Variants in SDCCAG8 observed in about 807,000 individuals in gnomAD.
The protein encoded by SDCCAG8 is SHH signaling and ciliogenesis regulator SDCCAG8.
In SDCCAG8, 74 loss-of-function variants were observed where a neutral mutation model predicts 101.8. That is an observed-to-expected ratio of 0.73 (90% CI 0.60 to 0.88). SDCCAG8 has a LOEUF of 0.88. Ranked by LOEUF, SDCCAG8 falls within the 40% of genes least tolerant of loss-of-function variation. The pLI is 0.00. For missense variants in SDCCAG8, 787 were observed against 822.6 expected, an observed-to-expected ratio of 0.96 and a Z score of 0.53; for synonymous variants, 281 against 292.9, an observed-to-expected ratio of 0.96 and a Z score of 0.41.
chr1:243,362,009 G>A lies in SDCCAG8; in HGVS notation c.1474-16712G>A, dbSNP rs61833945. 7.6e-3 allele frequency among the ~76,000 whole-genome samples: 896 copies of A among 117,232 alleles called. 21 individuals are homozygous for A. Among genetic ancestry groups the A allele is most frequent in the South Asian group, 0.012 (46 of 3,854 alleles). 76.9% of individuals were successfully genotyped at this position (117,232 alleles called of 152,430 possible). A position where few individuals can be genotyped will look rare whatever the true frequency, so the allele number is the denominator to read the frequency against. On this transcript the variant is annotated intron_variant, in intron 12 of 17. Transcript: ENST00000366541. Reference sequence around the variant, plus strand: ...GGATGGATAGGTGGGTGAAGAGATGGCCAAGTGACTGCCTCAAGTAACACA... The same window carrying A: ...GGATGGATAGGTGGGTGAAGAGATGACCAAGTGACTGCCTCAAGTAACACA...
chr1:243,440,451 G>GCAGA (rs1284502323), intron 16 of SDCCAG8, among the ~76,000 whole-genome samples: 1 of 152,130 alleles, frequency 6.6e-6, no homozygotes, highest in Non-Finnish European at 1.5e-5. Flanking sequence ...TTGTTCCAAG[G>GCAGA]CAGACCCTTT....
chr1:243,435,110 C>A (rs925822249), intron 16 of SDCCAG8, among the ~76,000 whole-genome samples: 1 of 152,166 alleles, frequency 6.6e-6, no homozygotes, highest in Non-Finnish European at 1.5e-5. Flanking sequence ...ACAGCCTTGT[C>A]CTTATGGAAC....
chr1:243,397,127 G>T (rs2079076082), intron 13 of SDCCAG8, among the ~76,000 whole-genome samples: 2 of 152,196 alleles, frequency 1.3e-5, no homozygotes, highest in Non-Finnish European at 2.9e-5. Flanking sequence ...GATGGAAGGA[G>T]CCAGAGCCAG....
intron 16 of SDCCAG8, among the ~76,000 whole-genome samples, chr1:243,429,858 C>T (rs998188053): frequency 6.6e-5 from 10 of 152,066 alleles, no homozygotes; most frequent in African/African-American, 2.2e-4. Context: ...CCTGCCACCA[C>T]GCCCAACTAG....
At position 243,293,176 on chromosome 1, in the gene SDCCAG8, C is replaced by A; in HGVS notation, c.632C>A (p.Ala211Glu). 1 of 1,614,140 alleles carries A rather than the reference C, an allele frequency of 6.2e-7. No homozygotes were observed. Residue 211 changes from alanine (A) to glutamate (E), a missense_variant, in exon 6 of 18, where the codon GCA becomes GAA. Ala to Glu is a moderately radical substitution (Grantham distance 107). Transcript: ENST00000366541. ...AAAAGACCATTTTCCCATGACAATG[C>A]AGATTTTGGCAAAGCTGCATCTGCT... The part of the protein sequence containing the change: ...TSKRPFSHDN[A>E]DFGKAASAGE...
chr1:243,475,373 T>C (rs1230355653), intron 16 of SDCCAG8, among the ~76,000 whole-genome samples: 2 of 152,158 alleles, frequency 1.3e-5, no homozygotes, highest in Non-Finnish European at 2.9e-5. Context: ...CTGGGACCCA[T>C]GGCCTGTGGT....
At chr1:243,304,183 T>C (rs1428532283) in intron 6 of SDCCAG8, among the ~76,000 whole-genome samples, 2 of 152,236 alleles carry the variant, frequency 1.3e-5, no homozygotes, top group South Asian at 2.1e-4. Flanking sequence ...TTCTATTCCT[T>C]TCTGGGATAT....
chr1:243,396,575 T>A (rs1033800722), intron 13 of SDCCAG8, among the ~76,000 whole-genome samples: 3 of 152,246 alleles, frequency 2.0e-5, no homozygotes, highest in African/African-American at 7.2e-5. Flanking sequence ...AATTCATTAG[T>A]GAAAATATTT....
rs564033937 is a variant in SDCCAG8 at position 243,274,765 on chromosome 1, A to G, written c.420+109A>G. On this transcript the variant is annotated intron_variant, in intron 4 of 17. Transcript: ENST00000366541. The stretch of plus-strand genomic sequence containing the variant: ...TCTTCATGTTTGTAGCAATACATTG[A>G]CAATTGCTATTCTTACGTGATTGAG... 5.8e-4 allele frequency: 396 copies of G among 677,910 alleles called. 3 individuals carry two copies. Among genetic ancestry groups the G allele is most frequent in the South Asian group, 1.4e-3 (87 of 61,684 alleles). 42.0% of individuals were successfully genotyped at this position (677,910 alleles called of 1,614,324 possible).
chr1:243,462,058 T>G (rs1415834747), intron 16 of SDCCAG8, among the ~76,000 whole-genome samples: 1 of 152,204 alleles, frequency 6.6e-6, no homozygotes, highest in Admixed American at 6.5e-5. Flanking sequence ...GGTTCTTTAC[T>G]CTAAGATTTC....
At chr1:243,471,645 A>G (rs2148192370) in intron 16 of SDCCAG8, among the ~76,000 whole-genome samples, 1 of 152,252 alleles carries the variant, frequency 6.6e-6, no homozygotes, top group South Asian at 2.1e-4. Flanking sequence ...GTATCCACCC[A>G]TCAGAATTCC....
intron 8 of SDCCAG8, among the ~76,000 whole-genome samples, chr1:243,314,045 G>A (rs921045064): frequency 6.6e-6 from 1 of 152,202 alleles, no homozygotes; most frequent in African/African-American, 2.4e-5. Context: ...GTTGCTTGCT[G>A]CTATTTGTTA....
chr1:243,386,066 A>G (rs779060503), intron 13 of SDCCAG8, among the ~76,000 whole-genome samples: 25 of 152,226 alleles, frequency 1.6e-4, no homozygotes, highest in Non-Finnish European at 3.2e-4. Context: ...AGTTATAGCT[A>G]ACAGCAGTGG....
At chr1:243,335,788 C>G (rs544242769) in intron 10 of SDCCAG8, among the ~76,000 whole-genome samples, 35 of 152,068 alleles carry the variant, frequency 2.3e-4, no homozygotes, top group African/African-American at 8.2e-4. Context: ...CTACCCCACT[C>G]CCTCCCTCTC....
chr1:243,337,583 T>C (rs560140981), intron 10 of SDCCAG8, among the ~76,000 whole-genome samples: 1 of 152,352 alleles, frequency 6.6e-6, no homozygotes, highest in Non-Finnish European at 1.5e-5. Flanking sequence ...AACAATTCAC[T>C]TAACCTCTCT....
At chr1:243,424,722 T>C (rs2081229625) in intron 15 of SDCCAG8, among the ~76,000 whole-genome samples, 1 of 152,080 alleles carries the variant, frequency 6.6e-6, no homozygotes, top group Non-Finnish European at 1.5e-5. Context: ...CTAGAAACAA[T>C]GCTACAATGA....
intron 16 of SDCCAG8, among the ~76,000 whole-genome samples, chr1:243,486,773 A>G (rs1439837271): frequency 6.6e-6 from 1 of 152,282 alleles, no homozygotes; most frequent in Non-Finnish European, 1.5e-5. Context: ...GCAAGGGACC[A>G]CATGGACAAT....
intron 9 of SDCCAG8, among the ~76,000 whole-genome samples, chr1:243,325,148 A>G (rs1573304962): frequency 6.6e-6 from 1 of 152,354 alleles, no homozygotes; most frequent in African/African-American, 2.4e-5. Flanking sequence ...TATTTCACAC[A>G]TGACCATTTA....
intron 12 of SDCCAG8, among the ~76,000 whole-genome samples, chr1:243,356,918 C>T (rs1000360247): frequency 3.3e-5 from 5 of 151,816 alleles, no homozygotes; most frequent in African/African-American, 9.7e-5. Flanking sequence ...GGATCACTCA[C>T]ACCCAGAAGG....
Sources: allele counts gnomAD v4.1 joint callset (sites outside exome capture counted in the v4.1 genomes callset), GRCh38; gene constraint gnomAD v4.1.1; transcripts MANE v1.5; gene names NCBI Gene and HGNC (gene_info 2026-07-23, HGNC 2026-07-21).